Variants in SEPTIN9 observed in about 807,000 individuals in gnomAD.
SEPTIN9 encodes septin 9.
Under a neutral mutation model 56.6 loss-of-function variants are expected in SEPTIN9, and 13 were observed. The observed-to-expected ratio is 0.23, with a 90% CI of 0.15 to 0.37. SEPTIN9 has a LOEUF of 0.37. Ranked by LOEUF, SEPTIN9 falls within the 10% of genes least tolerant of loss-of-function variation. The probability of loss-of-function intolerance (pLI) is 1.00; values close to 1 mark genes in which losing one functional copy is unlikely to be tolerated. For missense variants in SEPTIN9, 650 were observed against 823.1 expected, an observed-to-expected ratio of 0.79 and a Z score of 2.57; for synonymous variants, 332 against 334.1, an observed-to-expected ratio of 0.99 and a Z score of 0.07.
intron 3 of SEPTIN9, among the ~76,000 whole-genome samples, chr17:77,424,475 A>G (rs1285353084): frequency 1.3e-5 from 2 of 152,266 alleles, no homozygotes; most frequent in East Asian, 3.9e-4. Flanking sequence ...GGGCTTCAGG[A>G]GGTGGGAGGG....
intron 10 of SEPTIN9, among the ~76,000 whole-genome samples, chr17:77,494,875 C>A (rs1057118929): frequency 2.2e-4 from 33 of 152,346 alleles, no homozygotes; most frequent in African/African-American, 7.7e-4. Context: ...ACCACCACCC[C>A]TGCCGGGCCC....
intron 1 of SEPTIN9, among the ~76,000 whole-genome samples, chr17:77,301,374 G>GA (rs571319482): frequency 6.8e-6 from 1 of 147,704 alleles, no homozygotes; most frequent in African/African-American, 2.5e-5. Flanking sequence ...GGAGTTTCAA[G>GA]AAAAAAAATG....
chr17:77,309,504 C>T (rs574568178), intron 2 of SEPTIN9, among the ~76,000 whole-genome samples: 8 of 152,304 alleles, frequency 5.3e-5, no homozygotes, highest in African/African-American at 1.2e-4. Flanking sequence ...CCAGCATCTC[C>T]GGCCTCCCCA....
rs753870472 is a variant in SEPTIN9 at position 77,437,783 on chromosome 17, G to T, written c.721+35080G>T. Among the ~76,000 whole-genome samples, 5 of 152,156 alleles carry T rather than the reference G, an allele frequency of 3.3e-5. No individual in the cohort carries two copies. The highest frequency in any genetic ancestry group is 7.4e-5 in the Non-Finnish European group (5 of 68,024). ...GAGTTTCTGGGGAGGACTTTCTGCT[G>T]CCCCCCAACCCCTTTCGGGTACATT... On this transcript the variant is annotated intron_variant, in intron 3 of 11. Coordinates refer to ENST00000427177, the MANE Select transcript of SEPTIN9 (RefSeq NM_001113491.2). This position sits in a 1 kb window ranked among gnomAD's most constrained non-coding sequence, Gnocchi z 5.3.
intron 2 of SEPTIN9, among the ~76,000 whole-genome samples, chr17:77,364,038 C>T (rs2034497937): frequency 6.6e-6 from 1 of 152,170 alleles, no homozygotes; most frequent in Non-Finnish European, 1.5e-5. Flanking sequence ...ATAACAAACC[C>T]ATTAGGTCCC....
At position 77,320,299 on chromosome 17, in the gene SEPTIN9, C is replaced by T. The variant is rs2032862891; in HGVS notation, c.76+13102C>T. On this transcript the variant is annotated intron_variant, in intron 2 of 11. Coordinates refer to ENST00000427177, the MANE Select transcript of SEPTIN9 (RefSeq NM_001113491.2). The stretch of plus-strand genomic sequence containing the variant: ...CGCCTCTGAGCGGGACGCCGGGACT[C>T]CCGCCGCTGCTAAATATATCCGTAG... 4 of 1,612,282 alleles carry T rather than the reference C, an allele frequency of 2.5e-6. No homozygotes were observed. In the African/African-American group the frequency reaches 5.3e-5, roughly 22 times the overall value.
At chr17:77,295,938 C>T (rs1390860108) in intron 1 of SEPTIN9, among the ~76,000 whole-genome samples, 3 of 152,106 alleles carry the variant, frequency 2.0e-5, no homozygotes, top group African/African-American at 4.8e-5. Context: ...TGAATTCCTG[C>T]GTTGAAGCCC....
In SEPTIN9 at chr17:77,487,635, ACAG is replaced by A; in HGVS notation, c.1042+84_1042+86del. 2.7e-6 allele frequency: 3 copies of A among 1,101,864 alleles called. No individual in the cohort carries two copies. Among genetic ancestry groups the A allele is most frequent in the African/African-American group, 6.1e-5 (2 of 32,584 alleles). 68.3% of individuals were successfully genotyped at this position (1,101,864 alleles called of 1,614,324 possible). ...GGGTTGGGGGTCAAGACCATCACAC[ACAG>A]TCAGTGGCCAGGGGCGGGCTGGGGG... is the stretch of plus-strand genomic sequence containing the variant. On this transcript the variant is annotated intron_variant, in intron 5 of 11. Coordinates refer to ENST00000427177, the MANE Select transcript of SEPTIN9 (RefSeq NM_001113491.2). This position sits in a 1 kb window ranked among gnomAD's most constrained non-coding sequence, Gnocchi z 4.3.
intron 2 of SEPTIN9, among the ~76,000 whole-genome samples, chr17:77,363,212 C>T (rs9909052): frequency 0.23 from 34,761 of 151,932 alleles, 4,427 homozygotes; most frequent in East Asian, 0.61. Context: ...CTGGGGAAGG[C>T]ACGAGTCAGG....
rs1366318224 is a variant in SEPTIN9 at position 77,435,180 on chromosome 17, C to T, written c.721+32477C>T. Among the ~76,000 whole-genome samples the T allele has an allele frequency of 6.6e-6, 1 of 152,218 alleles. No individual in the cohort carries two copies. The highest frequency in any genetic ancestry group is 2.4e-5 in the African/African-American group (1 of 41,458). ...TTAAGTAACCTGCCCAAGCCTCCCT[C>T]TGAGCATGGCAGAGGGAGGGTCCGA... On this transcript the variant is annotated intron_variant, in intron 3 of 11. Coordinates refer to ENST00000427177, the MANE Select transcript of SEPTIN9 (RefSeq NM_001113491.2). The surrounding 1 kb of genome is among the most constrained non-coding windows in gnomAD (Gnocchi z 4.5).
In SEPTIN9 at chr17:77,445,060, T is replaced by C. The variant is rs1472761894; in HGVS notation, c.722-37084T>C. 2 of 393,462 alleles carry C rather than the reference T, an allele frequency of 5.1e-6. No homozygotes were observed. Among genetic ancestry groups the C allele is most frequent in the South Asian group, 3.7e-5 (2 of 53,734 alleles). 24.4% of individuals were successfully genotyped at this position (393,462 alleles called of 1,614,324 possible). ...AGCAGCTGCGCTGCCTCACAGAAAA[T>C]GTGCAGAGGCCCCTCTGTCCCACCA... On this transcript the variant is annotated intron_variant, in intron 3 of 11. Coordinates refer to ENST00000427177, the MANE Select transcript of SEPTIN9 (RefSeq NM_001113491.2). The surrounding 1 kb of genome is among the most constrained non-coding windows in gnomAD (Gnocchi z 4.7).
At position 77,499,072 on chromosome 17, in the gene SEPTIN9, T is replaced by C. The variant is rs1199991650; in HGVS notation, c.*414T>C. ...CCAGTGGGCTGCACGCTCCCCTCCA[T>C]CCCCATCGGCCCTGTCCCCTGGAGT... On this transcript the variant is annotated 3_prime_UTR_variant, in exon 12 of 12. Coordinates refer to ENST00000427177, the MANE Select transcript of SEPTIN9 (RefSeq NM_001113491.2). The C allele has an allele frequency of 3.7e-6, 2 of 535,632 alleles. No individual in the cohort carries two copies. The highest frequency in any genetic ancestry group is 7.2e-6 in the Non-Finnish European group (2 of 276,242). The allele number at this position is 535,632 out of a possible 1,614,324, so 33.2% of individuals were successfully genotyped here.
chr17:77,489,088 G>A (rs1301290814), intron 7 of SEPTIN9, among the ~76,000 whole-genome samples: 3 of 152,222 alleles, frequency 2.0e-5, no homozygotes, highest in East Asian at 1.9e-4. Context: ...CTTCAGCTGC[G>A]TCTTGGGGAG....
chr17:77,358,209 G>A (rs1433714134), intron 2 of SEPTIN9, among the ~76,000 whole-genome samples: 4 of 152,316 alleles, frequency 2.6e-5, no homozygotes, highest in Admixed American at 1.3e-4. Context: ...AGCACCTGGC[G>A]ATGTTTTGGG....
Position 77,390,461 on chromosome 17 carries a change from T to TG in SEPTIN9, c.77-11598_77-11597insG. Among the ~76,000 whole-genome samples the TG allele has an allele frequency of 1.4e-5, 2 of 143,478 alleles. 1 individual carries two copies. 94.1% of individuals were successfully genotyped at this position (143,478 alleles called of 152,430 possible). A position where few individuals can be genotyped will look rare whatever the true frequency, so the allele number is the denominator to read the frequency against. ...AAAACTGCACATTTCGCTTTTTTTT[T>TG]TTTTTTTTGAGACGGAGTCTCGCTC... On this transcript the variant is annotated intron_variant, in intron 2 of 11. Transcript: ENST00000427177.
intron 4 of SEPTIN9, among the ~76,000 whole-genome samples, chr17:77,486,513 TGTGTGTGTGCGCGCACGCGCGCGC>T (rs1408002408): frequency 5.2e-5 from 5 of 97,054 alleles, no homozygotes; most frequent in African/African-American, 3.2e-4. Flanking sequence ...TGTGTGTGTG[TGTGTGTGTGCGCGCACGCGCGCGC>T]GTGTTATATG....
rs541737116 is a variant in SEPTIN9 at position 77,368,608 on chromosome 17, G to A, written c.77-33451G>A. Among the ~76,000 whole-genome samples the A allele has an allele frequency of 1.1e-4, 16 of 152,090 alleles. No homozygotes were observed. In the South Asian group the frequency reaches 3.3e-3, roughly 32 times the overall value. On this transcript the variant is annotated intron_variant, in intron 2 of 11. Coordinates refer to ENST00000427177, the MANE Select transcript of SEPTIN9 (RefSeq NM_001113491.2). The stretch of plus-strand genomic sequence containing the variant: ...ATTACAGGCGTGAGCCATGGTGGCT[G>A]GCCAAAAATGGTAAATTTTATATTA...
intron 2 of SEPTIN9, among the ~76,000 whole-genome samples, chr17:77,394,720 T>A (rs1418038441): frequency 5.3e-5 from 8 of 152,180 alleles, no homozygotes; most frequent in Non-Finnish European, 2.9e-5. Context: ...CACCAGGAAG[T>A]GCTTGATCTG....
intron 3 of SEPTIN9, among the ~76,000 whole-genome samples, chr17:77,448,917 G>A (rs907369170): frequency 6.6e-6 from 1 of 151,970 alleles, no homozygotes; most frequent in Non-Finnish European, 1.5e-5. Flanking sequence ...CCAAGTAGCT[G>A]GGATTACAGG....
Sources: allele counts gnomAD v4.1 joint callset (sites outside exome capture counted in the v4.1 genomes callset), GRCh38; gene constraint gnomAD v4.1.1; non-coding constraint Gnocchi (gnomAD v3.1); transcripts MANE v1.5; gene names NCBI Gene and HGNC (gene_info 2026-07-23, HGNC 2026-07-21).